Variants in ADGRL2 observed in about 807,000 individuals in gnomAD.
ADGRL2 encodes the protein adhesion G protein-coupled receptor L2, also known as calcium-independent alpha-latrotoxin receptor 2.
In ADGRL2, 44 loss-of-function variants were observed where a neutral mutation model predicts 157.4. The observed-to-expected ratio is 0.28, with a 90% confidence interval of 0.22 to 0.36. The LOEUF is 0.36. ADGRL2 is among the 10% of genes least tolerant of loss of function. ADGRL2 has a pLI of 1.00. For missense variants in ADGRL2, 1,510 were observed against 1,768.9 expected (o/e 0.85, Z 2.63); for synonymous variants, 585 against 624.7 (o/e 0.94, Z 0.95).
chr1:81,547,833 G>A (rs938135502), intron 2 of ADGRL2, among the ~76,000 whole-genome samples: 4 of 152,148 alleles, frequency 2.6e-5, no homozygotes, highest in Admixed American at 1.3e-4. Context: ...TAAGGGATAA[G>A]TGTCAGTGCT....
intron 3 of ADGRL2, among the ~76,000 whole-genome samples, chr1:81,666,895 T>C (rs1014325382): frequency 6.6e-6 from 1 of 152,182 alleles, no homozygotes; most frequent in African/African-American, 2.4e-5. Context: ...CCTCTAAGTA[T>C]GGCAGAAAGT....
chr1:81,332,299 A>T (rs1458626629), intron 1 of ADGRL2, among the ~76,000 whole-genome samples: 1 of 152,136 alleles, frequency 6.6e-6, no homozygotes, highest in Non-Finnish European at 1.5e-5. Context: ...TTTCTGATAG[A>T]CAACACAATT....
chr1:81,899,114 T>C (rs1444925268), intron 2 of ADGRL2, among the ~76,000 whole-genome samples: 2 of 152,178 alleles, frequency 1.3e-5, no homozygotes, highest in Admixed American at 6.6e-5. Context: ...GAATTCTTTA[T>C]AGTACAGCGT....
At chr1:81,326,670 G>T (rs1332265090) in intron 1 of ADGRL2, among the ~76,000 whole-genome samples, 2 of 152,160 alleles carry the variant, frequency 1.3e-5, no homozygotes, top group African/African-American at 4.8e-5. Context: ...CATTAATGAA[G>T]ATGTGAACAA....
At position 81,991,075 on chromosome 1, in the gene ADGRL2, T is replaced by G; in HGVS notation, c.4340T>G (p.Ile1447Ser). 1 of 1,613,448 alleles carries G rather than the reference T, an allele frequency of 6.2e-7. No homozygotes were observed. The highest frequency in any genetic ancestry group is 8.5e-7 in the Non-Finnish European group (1 of 1,179,786). Residue 1447 changes from isoleucine (I) to serine (S), a missense_variant, in exon 24 of 24, where the codon ATT (isoleucine) becomes AGT (serine). This residue lies in a region of ADGRL2 where 327 missense variants were observed against 310.1 expected (regional missense o/e 1.05). Coordinates refer to ENST00000686636, the MANE Select transcript of ADGRL2 (RefSeq NM_001366006.2). ...AATAGTGATGGTTATATAATCCCCA[T>G]TAACAAAGAAGGGTGTATTCCAGAA... is the stretch of plus-strand genomic sequence containing the variant. ...RGNSDGYIIP[I>S]NKEGCIPEGD...
At chr1:81,676,602 TG>T (rs1336825625) in intron 3 of ADGRL2, among the ~76,000 whole-genome samples, 1 of 150,564 alleles carries the variant, frequency 6.6e-6, no homozygotes, top group African/African-American at 2.4e-5. Flanking sequence ...TCCTGGGCCC[TG>T]ATTAACAAGG....
chr1:81,392,076 C>G (rs1430729746), intron 1 of ADGRL2, among the ~76,000 whole-genome samples: 3 of 152,082 alleles, frequency 2.0e-5, no homozygotes, highest in Admixed American at 6.5e-5. Context: ...CCAGGTCTGT[C>G]TAATTCTATT....
intron 3 of ADGRL2, among the ~76,000 whole-genome samples, chr1:81,618,204 T>C (rs1036144109): frequency 9.2e-5 from 14 of 152,204 alleles, no homozygotes; most frequent in African/African-American, 2.9e-4. Flanking sequence ...GCACTTGACA[T>C]AGACATTTAG....
At chr1:81,627,771 G>T (rs941012858) in intron 3 of ADGRL2, among the ~76,000 whole-genome samples, 2 of 152,120 alleles carry the variant, frequency 1.3e-5, no homozygotes, top group Non-Finnish European at 2.9e-5. Context: ...AATAGTCAAA[G>T]CAGGGGACTT....
At chr1:81,703,934 G>C (rs771268732) in intron 1 of ADGRL2, among the ~76,000 whole-genome samples, 1 of 152,202 alleles carries the variant, frequency 6.6e-6, no homozygotes, top group Non-Finnish European at 1.5e-5. Context: ...ATCTGCATAT[G>C]AAGTAAAGGA....
intron 2 of ADGRL2, among the ~76,000 whole-genome samples, chr1:81,530,705 C>A (rs578122421): frequency 6.6e-6 from 1 of 152,192 alleles, no homozygotes; most frequent in African/African-American, 2.4e-5. Flanking sequence ...TGGGACAAAG[C>A]CTCTAGAAGC....
At chr1:81,371,326 G>T (rs2100987476) in intron 1 of ADGRL2, among the ~76,000 whole-genome samples, 1 of 152,270 alleles carries the variant, frequency 6.6e-6, no homozygotes, top group African/African-American at 2.4e-5. Flanking sequence ...AATAGCATAA[G>T]GCAGAGAAAC....
At chr1:81,736,228 A>G (rs915392997) in intron 1 of ADGRL2, among the ~76,000 whole-genome samples, 1 of 151,758 alleles carries the variant, frequency 6.6e-6, no homozygotes, top group Non-Finnish European at 1.5e-5. Flanking sequence ...CTGAACTGGC[A>G]GACAATAGTA....
chr1:81,903,416 G>C (rs2094523841), intron 2 of ADGRL2, among the ~76,000 whole-genome samples: 1 of 152,028 alleles, frequency 6.6e-6, no homozygotes, highest in Non-Finnish European at 1.5e-5. Context: ...AAAATGGCTT[G>C]AGTAGTCAGA....
At chr1:81,635,819 A>G (rs190250526) in intron 3 of ADGRL2, among the ~76,000 whole-genome samples, 1 of 152,310 alleles carries the variant, frequency 6.6e-6, no homozygotes, top group African/African-American at 2.4e-5. Flanking sequence ...TTCATCATTA[A>G]AGAGCTCCCT....
chr1:81,982,020 T>C (rs1373487532), intron 19 of ADGRL2, 44 bp downstream of exon 19: 5 of 1,469,598 alleles, frequency 3.4e-6, no homozygotes, highest in Non-Finnish European at 3.8e-6. Context: ...ACTCATTCTT[T>C]GATTTGAATA....
At position 81,992,142 on chromosome 1, in the gene ADGRL2, G is replaced by T. The variant is rs573702183; in HGVS notation, c.*997G>T. On this transcript the variant is annotated 3_prime_UTR_variant, in exon 24 of 24. Coordinates refer to ENST00000686636, the MANE Select transcript of ADGRL2 (RefSeq NM_001366006.2). ...TATTCTTGAACAGAGGGCAAAGAGG[G>T]CACTGGGCACTTCTCACAAACTTTC... The T allele has an allele frequency of 6.6e-6, 1 of 152,622 alleles. No individual in the cohort carries two copies. The highest frequency in any genetic ancestry group is 2.1e-4 in the South Asian group (1 of 4,818). 9.5% of individuals were successfully genotyped at this position (152,622 alleles called of 1,614,324 possible).
chr1:81,322,105 TATATACAC>T (rs1003097075), intron 1 of ADGRL2, among the ~76,000 whole-genome samples: 3 of 120,212 alleles, frequency 2.5e-5, no homozygotes, highest in African/African-American at 5.7e-5. Context: ...TATATATATA[TATATACAC>T]ATATATATAT....
At chr1:81,986,760 C>T (rs1663253385) in intron 21 of ADGRL2, 141 bp from the exon 22 acceptor site, 2 of 757,760 alleles carry the variant, frequency 2.6e-6, no homozygotes, top group South Asian at 1.9e-5. Flanking sequence ...ACAGTCAGAA[C>T]ATTTCAACAG....
Sources: allele counts gnomAD v4.1 joint callset (sites outside exome capture counted in the v4.1 genomes callset), GRCh38; gene constraint gnomAD v4.1.1; regional missense constraint gnomAD v4.1.1; transcripts MANE v1.5; gene names NCBI Gene and HGNC (gene_info 2026-07-23, HGNC 2026-07-21).